LINGO1: variants seen among roughly 807,000 people sequenced by gnomAD.
The protein encoded by LINGO1 is leucine-rich repeat and immunoglobulin-like domain-containing nogo receptor-interacting protein 1.
In LINGO1, 11 loss-of-function variants were observed where a neutral mutation model predicts 37.3. That is an observed-to-expected ratio of 0.29 (90% CI 0.19 to 0.49). The LOEUF is 0.49. Among genes scored for constraint, LINGO1 ranks in the 20% least tolerant of loss-of-function variants. The probability of loss-of-function intolerance (pLI) is 0.99; values close to 1 mark genes in which losing one functional copy is unlikely to be tolerated. For synonymous variants in LINGO1, 387 were observed against 403.0 expected, an observed-to-expected ratio of 0.96 and a Z score of 0.48; for missense variants, 585 against 878.2, an observed-to-expected ratio of 0.67 and a Z score of 4.22.
intron 1 of LINGO1, among the ~76,000 whole-genome samples, chr15:77,774,858 G>A (rs996478305): frequency 5.3e-5 from 8 of 152,132 alleles, no homozygotes; most frequent in South Asian, 2.1e-4. Flanking sequence ...AGCTGGACTC[G>A]GCAACCAGCC....
chr15:77,743,991 G>C (rs1236645646), intron 1 of LINGO1, among the ~76,000 whole-genome samples: 1 of 152,172 alleles, frequency 6.6e-6, no homozygotes, highest in Non-Finnish European at 1.5e-5. Flanking sequence ...GCCAGGTCCT[G>C]AGGGTCCCCA....
At chr15:77,760,957 C>T in intron 1 of LINGO1, among the ~76,000 whole-genome samples, 1 of 124,820 alleles carries the variant, frequency 8.0e-6, no homozygotes. Context: ...GACAAGGTCT[C>T]ACTCTGTCAC....
chr15:77,632,382 G>GGCCCCA lies in LINGO1; in HGVS notation c.-73_-68dup. ...CATGTCTCTCCAGCCGGCCCGACCA[G>GGCCCCA]GCCCCAGCCCCTGCCCAGCCCCCTC... On this transcript the variant is annotated 5_prime_UTR_variant, in exon 1 of 2. Transcript: ENST00000355300. The surrounding 1 kb of genome is among the most constrained non-coding windows in gnomAD (Gnocchi z 6.0). 7.4e-7 allele frequency: 1 copy of GGCCCCA among 1,344,340 alleles called. No individual in the cohort carries two copies. Among genetic ancestry groups the GGCCCCA allele is most frequent in the Non-Finnish European group, 9.6e-7 (1 of 1,043,280 alleles). 83.3% of individuals were successfully genotyped at this position (1,344,340 alleles called of 1,614,324 possible).
chr15:77,646,574 A>C (rs1331158525), intron 3 of LINGO1: 2 of 381,554 alleles, frequency 5.2e-6, no homozygotes, highest in East Asian at 1.7e-4. Flanking sequence ...CACTTCCAAG[A>C]GGGACAGACC....
intron 1 of LINGO1, among the ~76,000 whole-genome samples, chr15:77,739,648 T>C (rs1289294308): frequency 6.6e-6 from 1 of 152,176 alleles, no homozygotes; most frequent in Non-Finnish European, 1.5e-5. Context: ...GACGGCTCCC[T>C]CTCCCAAGAG....
chr15:77,725,131 T>C (rs1567548884), intron 2 of LINGO1, among the ~76,000 whole-genome samples: 1 of 151,214 alleles, frequency 6.6e-6, no homozygotes, highest in Non-Finnish European at 1.5e-5. Context: ...CAGAGGCAGG[T>C]CTACACAGGC....
chr15:77,773,195 C>A (rs1270222120), intron 1 of LINGO1, among the ~76,000 whole-genome samples: 1 of 152,190 alleles, frequency 6.6e-6, no homozygotes, highest in Non-Finnish European at 1.5e-5. Flanking sequence ...CACATCTGAG[C>A]AATGGGAGGC....
intron 1 of LINGO1, among the ~76,000 whole-genome samples, chr15:77,799,538 C>G (rs11857839): frequency 0.2 from 29,975 of 152,106 alleles, 3,130 homozygotes; most frequent in African/African-American, 0.26. Context: ...CCTTGCTACC[C>G]AGAAGTAACT....
chr15:77,669,802 G>GC (rs1179982803), intron 3 of LINGO1, among the ~76,000 whole-genome samples: 2 of 152,238 alleles, frequency 1.3e-5, no homozygotes, highest in Admixed American at 1.3e-4. Context: ...TGGAGAGCAT[G>GC]CCCCTGTCTA....
At chr15:77,797,487 C>T (rs959486388) in intron 1 of LINGO1, among the ~76,000 whole-genome samples, 1 of 152,220 alleles carries the variant, frequency 6.6e-6, no homozygotes, top group Non-Finnish European at 1.5e-5. Context: ...TGGTAATCCA[C>T]CTTCAAACGA....
intron 1 of LINGO1, among the ~76,000 whole-genome samples, chr15:77,765,814 T>C (rs112331277): frequency 2.4e-4 from 37 of 152,280 alleles, no homozygotes; most frequent in Admixed American, 2.2e-3. Context: ...GATGCTGCCA[T>C]TGGGGCTTCC....
chr15:77,730,474 C>T (rs917526462), intron 2 of LINGO1, among the ~76,000 whole-genome samples: 25 of 152,178 alleles, frequency 1.6e-4, no homozygotes, highest in Admixed American at 1.4e-3. Flanking sequence ...CTCAGGGGCT[C>T]GGGCAGTGCA....
intron 3 of LINGO1, among the ~76,000 whole-genome samples, chr15:77,661,518 G>C (rs565640250): frequency 7.9e-5 from 12 of 152,352 alleles, no homozygotes; most frequent in Middle Eastern, 3.4e-3. Flanking sequence ...GGGAATGACA[G>C]TGCCTTGCCA....
intron 1 of LINGO1, among the ~76,000 whole-genome samples, chr15:77,751,845 C>A (rs1297496750): frequency 6.6e-6 from 1 of 152,204 alleles, no homozygotes; most frequent in African/African-American, 2.4e-5. Flanking sequence ...AAGGCCCGAG[C>A]CAACAGCAAG....
chr15:77,641,700 T>A, intron 3 of LINGO1: 1 of 378,100 alleles, frequency 2.6e-6, no homozygotes, highest in Admixed American at 3.1e-5. Flanking sequence ...TCTCCCACCA[T>A]CTTGACCCAC....
chr15:77,647,447 A>G (rs2074658820), intron 3 of LINGO1, among the ~76,000 whole-genome samples: 1 of 152,062 alleles, frequency 6.6e-6, no homozygotes, highest in Non-Finnish European at 1.5e-5. Context: ...CCTGGAGGAG[A>G]CAGTCTTGCA....
At chr15:77,709,760 G>C (rs2075895780) in intron 2 of LINGO1, among the ~76,000 whole-genome samples, 1 of 152,216 alleles carries the variant, frequency 6.6e-6, no homozygotes, top group African/African-American at 2.4e-5. Context: ...GACATGACTT[G>C]GCTTATGGAG....
intron 2 of LINGO1, among the ~76,000 whole-genome samples, chr15:77,722,994 G>A (rs1327842244): frequency 6.6e-6 from 1 of 152,202 alleles, no homozygotes; most frequent in Non-Finnish European, 1.5e-5. Context: ...AGTGGAGACA[G>A]ACAGGTCGGG....
At chr15:77,814,145 G>A (rs2077030013) in intron 1 of LINGO1, among the ~76,000 whole-genome samples, 1 of 152,178 alleles carries the variant, frequency 6.6e-6, no homozygotes, top group South Asian at 2.1e-4. Flanking sequence ...TGGAAACAGG[G>A]CCAAGAAGGG....
Sources: allele counts gnomAD v4.1 joint callset (sites outside exome capture counted in the v4.1 genomes callset), GRCh38; gene constraint gnomAD v4.1.1; non-coding constraint Gnocchi (gnomAD v3.1); transcripts MANE v1.5; gene names NCBI Gene and HGNC (gene_info 2026-07-23, HGNC 2026-07-21).